Variants in P3H2 observed in about 807,000 individuals in gnomAD.
The protein encoded by P3H2 is leprecan-like 1.
Under a neutral mutation model 87.0 loss-of-function variants are expected in P3H2, and 80 were observed. That is an observed-to-expected ratio of 0.92 (90% CI 0.77 to 1.11). The LOEUF is 1.11. P3H2 is among the 50% of genes least tolerant of loss of function. The probability of loss-of-function intolerance (pLI) is 0.00; values close to 1 mark genes in which losing one functional copy is unlikely to be tolerated. For synonymous variants in P3H2, 367 were observed against 359.3 expected, an observed-to-expected ratio of 1.02 and a Z score of -0.24; for missense variants, 1,001 against 923.9, an observed-to-expected ratio of 1.08 and a Z score of -1.08.
intron 1 of P3H2, among the ~76,000 whole-genome samples, chr3:190,053,176 T>C (rs1245006190): frequency 6.6e-6 from 1 of 152,178 alleles, no homozygotes; most frequent in Non-Finnish European, 1.5e-5. Flanking sequence ...TTCCAATTTT[T>C]AGCTATCACA....
At chr3:190,027,705 A>C (rs990742867) in intron 1 of P3H2, among the ~76,000 whole-genome samples, 2 of 151,230 alleles carry the variant, frequency 1.3e-5, no homozygotes, top group African/African-American at 4.9e-5. Context: ...TTTAGTGTTT[A>C]ATGAATCTTA....
chr3:190,011,243 A>T (rs986911688), intron 1 of P3H2, among the ~76,000 whole-genome samples: 7 of 150,916 alleles, frequency 4.6e-5, no homozygotes, highest in African/African-American at 1.7e-4. Context: ...ACTGCACTGC[A>T]GCCTGGCAAC....
At chr3:190,086,407 T>C (rs1264036435) in intron 1 of P3H2, among the ~76,000 whole-genome samples, 1 of 152,170 alleles carries the variant, frequency 6.6e-6, no homozygotes, top group Non-Finnish European at 1.5e-5. Flanking sequence ...CCGGGGGTAG[T>C]TGCTGACCTC....
chr3:190,118,664 C>T (rs1192902812), intron 1 of P3H2, among the ~76,000 whole-genome samples: 2 of 151,962 alleles, frequency 1.3e-5, no homozygotes, highest in Non-Finnish European at 2.9e-5. Context: ...AAGATTTATA[C>T]TTAGTTGAAA....
At chr3:190,008,619 A>T (rs1724468880) in intron 1 of P3H2, among the ~76,000 whole-genome samples, 2 of 152,186 alleles carry the variant, frequency 1.3e-5, no homozygotes, top group African/African-American at 4.8e-5. Context: ...GGCAGAGTGT[A>T]GCAGCTGCAT....
chr3:190,097,559 CTTCT>C (rs1229939138), intron 1 of P3H2, among the ~76,000 whole-genome samples: 1 of 151,912 alleles, frequency 6.6e-6, no homozygotes, highest in Non-Finnish European at 1.5e-5. Flanking sequence ...ACATATTCCC[CTTCT>C]TTCTTTCTGC....
intron 1 of P3H2, among the ~76,000 whole-genome samples, chr3:190,104,005 T>G (rs796186095): frequency 9.9e-5 from 15 of 152,272 alleles, no homozygotes; most frequent in African/African-American, 3.6e-4. Context: ...TTGGCCAGGC[T>G]GGTCTTGAAC....
intron 1 of P3H2, among the ~76,000 whole-genome samples, chr3:190,088,532 G>A (rs573527998): frequency 2.0e-5 from 3 of 152,244 alleles, no homozygotes; most frequent in Admixed American, 2.0e-4. Context: ...GGGAAGGGAA[G>A]GATAAAATTT....
At chr3:189,987,784 G>T in intron 4 of P3H2, 115 bp from the exon 5 acceptor site, 3 of 1,087,262 alleles carry the variant, frequency 2.8e-6, no homozygotes, top group Admixed American at 1.8e-5. Context: ...TAAGAGGGAA[G>T]ATAAATTGAG....
chr3:190,011,209 C>T lies in P3H2; in HGVS notation c.481-15767G>A, dbSNP rs150163609. Among the ~76,000 whole-genome samples, 44 of 150,146 alleles carry T rather than the reference C, an allele frequency of 2.9e-4. No homozygotes were observed. The East Asian group carries it at 7.7e-3, about 26-fold the overall frequency. On this transcript the variant is annotated intron_variant, in intron 1 of 14. Coordinates refer to ENST00000319332, the MANE Select transcript of P3H2 (RefSeq NM_018192.4). Reference sequence around the variant, plus strand: ...AATTGCTTGAACCCAGGAGGCGGAGCTTGCAGTGAGCCGAGATTGCGCCAC... The same window carrying T: ...AATTGCTTGAACCCAGGAGGCGGAGTTTGCAGTGAGCCGAGATTGCGCCAC...
chr3:190,036,043 C>G (rs1404219665), intron 1 of P3H2, among the ~76,000 whole-genome samples: 1 of 152,138 alleles, frequency 6.6e-6, no homozygotes, highest in Non-Finnish European at 1.5e-5. Flanking sequence ...AGAATTGTCT[C>G]TACTTCTGCA....
At chr3:190,030,823 G>C (rs984212830) in intron 1 of P3H2, among the ~76,000 whole-genome samples, 20 of 151,908 alleles carry the variant, frequency 1.3e-4, no homozygotes, top group African/African-American at 4.1e-4. Flanking sequence ...CTTAATATAG[G>C]AAAAATGAGG....
chr3:190,005,808 AGAG>A (rs1019634367), intron 1 of P3H2, among the ~76,000 whole-genome samples: 5 of 152,220 alleles, frequency 3.3e-5, no homozygotes, highest in African/African-American at 7.2e-5. Flanking sequence ...GGAATCTTTA[AGAG>A]GAGACTAAGG....
intron 1 of P3H2, among the ~76,000 whole-genome samples, chr3:190,043,727 G>A (rs1725715618): frequency 6.6e-6 from 1 of 152,130 alleles, no homozygotes; most frequent in African/African-American, 2.4e-5. Context: ...TATCAATCAA[G>A]TGTTTATATA....
intron 1 of P3H2, among the ~76,000 whole-genome samples, chr3:190,019,025 T>C (rs1178710509): frequency 2.0e-5 from 3 of 152,214 alleles, no homozygotes; most frequent in Admixed American, 6.5e-5. Flanking sequence ...ATGCCACTCA[T>C]CCTTCTCCAA....
In P3H2 at chr3:190,120,633, C is replaced by T; in HGVS notation, c.99G>A (p.Glu33=). 6.5e-7 allele frequency: 1 copy of T among 1,531,134 alleles called. No homozygotes were observed. Among genetic ancestry groups the T allele is most frequent in the Non-Finnish European group, 8.7e-7 (1 of 1,147,080 alleles). The allele number at this position is 1,531,134 out of a possible 1,614,324, so 94.8% of individuals were successfully genotyped here. The part of the protein sequence containing the change: ...WGGPPDSPRR[E]LELEPGPLQP... ...GCAGAGGCCCGGGCTCCAGCTCCAGCTCCCGGCGTGGGCTGTCCGGGGGGC... is the reference window on the plus strand; with the variant it reads ...GCAGAGGCCCGGGCTCCAGCTCCAGTTCCCGGCGTGGGCTGTCCGGGGGGC... Residue 33 remains glutamate (E), a synonymous_variant, in exon 1 of 15, where the codon GAG becomes GAA. Coordinates refer to ENST00000319332, the MANE Select transcript of P3H2 (RefSeq NM_018192.4).
intron 1 of P3H2, among the ~76,000 whole-genome samples, chr3:190,069,667 G>A (rs1291241210): frequency 6.6e-6 from 1 of 152,146 alleles, no homozygotes; most frequent in Non-Finnish European, 1.5e-5. Context: ...CAAATAGAGA[G>A]AAAATGTCCA....
chr3:189,960,170 A>G lies in P3H2; in HGVS notation c.2035-2166T>C, dbSNP rs75177207. Among the ~76,000 whole-genome samples the G allele has an allele frequency of 3.7e-3, 561 of 152,138 alleles. 10 individuals are homozygous for G. The highest frequency in any genetic ancestry group is 0.029 in the East Asian group (150 of 5,176). ...ATTTATCCTAGTGGACTTCTAATTT[A>G]TTAGGTTTCAGCTCACATGCCACTT... is the stretch of plus-strand genomic sequence containing the variant. On this transcript the variant is annotated intron_variant, in intron 14 of 14. Coordinates refer to ENST00000319332, the MANE Select transcript of P3H2 (RefSeq NM_018192.4).
intron 1 of P3H2, among the ~76,000 whole-genome samples, chr3:190,106,943 A>G (rs1336152384): frequency 6.6e-6 from 1 of 152,212 alleles, no homozygotes; most frequent in East Asian, 1.9e-4. Context: ...ACACAGTAAT[A>G]GTCAATAATA....
Sources: allele counts gnomAD v4.1 joint callset (sites outside exome capture counted in the v4.1 genomes callset), GRCh38; gene constraint gnomAD v4.1.1; transcripts MANE v1.5; gene names NCBI Gene and HGNC (gene_info 2026-07-23, HGNC 2026-07-21).